Variants in DUSP22 observed in about 807,000 individuals in gnomAD.
DUSP22 encodes dual specificity protein phosphatase 22.
DUSP22 carries 24 observed loss-of-function variants against 24.5 expected under a neutral mutation model. The observed-to-expected ratio is 0.98, with a 90% confidence interval of 0.71 to 1.38. The LOEUF (loss-of-function observed/expected upper bound fraction) is 1.38, where lower values mean the gene tolerates loss of function less well. DUSP22 is among the 40% of genes most tolerant of loss of function. The probability of loss-of-function intolerance (pLI) is 0.00; values close to 1 mark genes in which losing one functional copy is unlikely to be tolerated. For synonymous variants in DUSP22, 160 were observed against 106.4 expected (o/e 1.50, Z -3.10); for missense variants, 330 against 269.2 (o/e 1.23, Z -1.58).
At chr6:333,397 G>T (rs1165902908) in intron 3 of DUSP22, among the ~76,000 whole-genome samples, 4 of 152,302 alleles carry the variant, frequency 2.6e-5, no homozygotes, top group African/African-American at 9.6e-5. Flanking sequence ...AAGGTGTAAA[G>T]ATTGATTTAA....
intron 4 of DUSP22, among the ~76,000 whole-genome samples, chr6:342,293 C>A (rs1039498435): frequency 6.6e-6 from 1 of 152,302 alleles, no homozygotes; most frequent in Non-Finnish European, 1.5e-5. Context: ...CTCTTTCTGA[C>A]CAGAAAGAGA....
chr6:324,087 G>A (rs1758736026), intron 3 of DUSP22, among the ~76,000 whole-genome samples: 1 of 152,312 alleles, frequency 6.6e-6, no homozygotes, highest in Admixed American at 6.5e-5. Context: ...TTTAAGCTGA[G>A]GTTTCCTGCC....
rs563787421 is a variant in DUSP22 at position 334,098 on chromosome 6, G to A, written c.139-1016G>A. 2.2e-4 allele frequency among the ~76,000 whole-genome samples: 34 copies of A among 152,414 alleles called. No homozygotes were observed. In the East Asian group the frequency reaches 2.5e-3, roughly 11 times the overall value. On this transcript the variant is annotated intron_variant, in intron 3 of 6. Transcript: ENST00000419235. ...TGACTAATTACTGAAGATGCGTTGC[G>A]TTGTAACTCCATCTTCTGAGAACCT... is the stretch of plus-strand genomic sequence containing the variant.
intron 5 of DUSP22, among the ~76,000 whole-genome samples, 197 bp downstream of exon 5, chr6:346,125 C>T (rs1406927841): frequency 1.3e-5 from 2 of 152,302 alleles, no homozygotes; most frequent in Non-Finnish European, 2.9e-5. Flanking sequence ...AACCCTAACT[C>T]GTTTTGCTTT....
chr6:341,503 G>C (rs1759604583), intron 4 of DUSP22, among the ~76,000 whole-genome samples: 1 of 152,310 alleles, frequency 6.6e-6, no homozygotes, highest in African/African-American at 2.4e-5. Flanking sequence ...CACCAAAGTG[G>C]CAGTGCGCTC....
chr6:331,598 T>C (rs1007681638), intron 3 of DUSP22, among the ~76,000 whole-genome samples: 111 of 152,384 alleles, frequency 7.3e-4, no homozygotes, highest in Non-Finnish European at 1.1e-3. Flanking sequence ...GCAGAACTTA[T>C]TCATTAGTAC....
At chr6:322,500 A>C (rs983242295) in intron 3 of DUSP22, among the ~76,000 whole-genome samples, 1 of 152,300 alleles carries the variant, frequency 6.6e-6, no homozygotes, top group Non-Finnish European at 1.5e-5. Flanking sequence ...ACAGATTCCA[A>C]CCCAAGAAGA....
chr6:327,764 C>T (rs965807504), intron 3 of DUSP22, among the ~76,000 whole-genome samples: 14 of 152,406 alleles, frequency 9.2e-5, no homozygotes, highest in South Asian at 2.1e-4. Context: ...AGAAGAGCCA[C>T]GCAGAAAGCC....
At chr6:346,253 A>G (rs955151059) in intron 5 of DUSP22, among the ~76,000 whole-genome samples, 1 of 152,306 alleles carries the variant, frequency 6.6e-6, no homozygotes, top group African/African-American at 2.4e-5. Context: ...CCTCTTACAG[A>G]TGACCCAGAT....
At chr6:300,141 A>G (rs1326916816) in intron 1 of DUSP22, among the ~76,000 whole-genome samples, 1 of 152,306 alleles carries the variant, frequency 6.6e-6, no homozygotes, top group Non-Finnish European at 1.5e-5. Flanking sequence ...TTTAAAATTT[A>G]ATTGACAATA....
rs748829155 is a variant in DUSP22, at chr6:350,775, G to A, written c.*1824G>A. 1.2e-5 allele frequency: 20 copies of A among 1,614,038 alleles called. No individual in the cohort carries two copies. The highest frequency in any genetic ancestry group is 1.7e-5 in the Non-Finnish European group (20 of 1,179,982). The stretch of plus-strand genomic sequence containing the variant: ...CTCTCAGTGTATTCTTGGAGTTCTT[G>A]AAATGTTGTTTTAATATTTGTTGCC... On this transcript the variant is annotated 3_prime_UTR_variant, in exon 7 of 7. Transcript: ENST00000419235.
intron 4 of DUSP22, among the ~76,000 whole-genome samples, chr6:340,415 C>T (rs533958271): frequency 8.5e-5 from 13 of 152,414 alleles, no homozygotes; most frequent in African/African-American, 1.7e-4. Context: ...GGTTGGGGGC[C>T]GTGGACAGAT....
At chr6:345,081 A>T (rs1406231055) in intron 4 of DUSP22, among the ~76,000 whole-genome samples, 1 of 152,308 alleles carries the variant, frequency 6.6e-6, no homozygotes, top group African/African-American at 2.4e-5. Flanking sequence ...GACAACCCAC[A>T]GCCTTCCCTA....
chr6:346,053 C>T, intron 5 of DUSP22, 125 bp downstream of exon 5: 2 of 1,191,998 alleles, frequency 1.7e-6, no homozygotes, highest in African/African-American at 1.5e-5. Context: ...CCCTGACTCT[C>T]AAACGCGTGC....
intron 4 of DUSP22, among the ~76,000 whole-genome samples, chr6:339,261 G>A (rs993127052): frequency 3.3e-5 from 5 of 152,302 alleles, no homozygotes; most frequent in African/African-American, 1.2e-4. Context: ...TTCTCTCTGG[G>A]ATTTCTTAGA....
rs1302886791 is a variant in DUSP22 at position 350,097 on chromosome 6, T to C, written c.*1146T>C. 3 of 985,866 alleles carry C rather than the reference T, an allele frequency of 3.0e-6. No homozygotes were observed. Among genetic ancestry groups the C allele is most frequent in the African/African-American group, 1.7e-5 (1 of 57,282 alleles). The allele number at this position is 985,866 out of a possible 1,614,324, so 61.1% of individuals were successfully genotyped here. A position where few individuals can be genotyped will look rare whatever the true frequency, so the allele number is the denominator to read the frequency against. On this transcript the variant is annotated 3_prime_UTR_variant, in exon 7 of 7. Transcript: ENST00000419235. ...TTGATAATTGATCTGAGCTACCTCA[T>C]TGAATGTTTTTGGAAAGGTGTTTTT...
intron 2 of DUSP22, among the ~76,000 whole-genome samples, chr6:307,627 G>A (rs1408844899): frequency 1.3e-5 from 2 of 152,304 alleles, no homozygotes; most frequent in African/African-American, 2.4e-5. Flanking sequence ...GCCCCTCCCT[G>A]GGCCGGAGGG....
intron 5 of DUSP22, among the ~76,000 whole-genome samples, chr6:346,455 CACAG>C: frequency 6.6e-6 from 1 of 152,400 alleles, no homozygotes; most frequent in Admixed American, 6.5e-5. Flanking sequence ...CACACACACA[CACAG>C]TGAAAAGAAA....
intron 3 of DUSP22, among the ~76,000 whole-genome samples, chr6:333,515 A>G (rs1041971309): frequency 6.6e-6 from 1 of 152,304 alleles, no homozygotes; most frequent in Non-Finnish European, 1.5e-5. Flanking sequence ...ATCATTGTGG[A>G]TGAGGCAAGA....
Sources: gnomAD v4.1 joint callset for allele counts (sites outside exome capture counted in the v4.1 genomes callset) on GRCh38, gnomAD v4.1.1 for gene constraint, MANE v1.5 for transcripts, NCBI Gene and HGNC (gene_info 2026-07-23, HGNC 2026-07-21) for gene names.